KSR2: variants seen among roughly 807,000 people sequenced by gnomAD.
KSR2 encodes the protein kinase suppressor of ras 2.
In KSR2, 25 loss-of-function variants were observed where a neutral mutation model predicts 107.8. The ratio of observed to expected loss-of-function variants is 0.23; its 90% confidence interval spans 0.17 to 0.32. The LOEUF (loss-of-function observed/expected upper bound fraction) is 0.32, where lower values mean the gene tolerates loss of function less well. Ranked by LOEUF, KSR2 falls within the 10% of genes least tolerant of loss-of-function variation. The probability of loss-of-function intolerance (pLI) is 1.00; values close to 1 mark genes in which losing one functional copy is unlikely to be tolerated. For missense variants in KSR2, 887 were observed against 1,268.9 expected, an observed-to-expected ratio of 0.70 and a Z score of 4.57; for synonymous variants, 480 against 507.0, an observed-to-expected ratio of 0.95 and a Z score of 0.71.
At chr12:117,484,308 C>T (rs1872335914) in intron 16 of KSR2, 108 bp downstream of exon 16, 19 of 1,303,668 alleles carry the variant, frequency 1.5e-5, no homozygotes, top group Non-Finnish European at 2.0e-5. Context: ...AGCTCAGCAA[C>T]CTCAGGACCA....
chr12:117,880,400 G>A (rs775667609), intron 1 of KSR2, among the ~76,000 whole-genome samples: 9 of 152,082 alleles, frequency 5.9e-5, no homozygotes, highest in Non-Finnish European at 8.8e-5. Flanking sequence ...GTCTCATGGG[G>A]AGTTTCTTCT....
chr12:117,793,575 C>A (rs971146936), intron 3 of KSR2, among the ~76,000 whole-genome samples: 1 of 135,152 alleles, frequency 7.4e-6, no homozygotes, highest in Non-Finnish European at 1.6e-5. Context: ...ATGCACACAC[C>A]TTTACACCAA....
intron 1 of KSR2, among the ~76,000 whole-genome samples, chr12:117,887,602 C>T (rs192765825): frequency 2.6e-5 from 4 of 152,238 alleles, no homozygotes; most frequent in Non-Finnish European, 4.4e-5. Context: ...AAAACCCTCC[C>T]CAAAGTGGCT....
chr12:117,589,345 C>T (rs1880185610), intron 5 of KSR2, among the ~76,000 whole-genome samples: 1 of 152,168 alleles, frequency 6.6e-6, no homozygotes, highest in Non-Finnish European at 1.5e-5. Flanking sequence ...ACCTATTACC[C>T]AGTGGGACCT....
intron 10 of KSR2, among the ~76,000 whole-genome samples, chr12:117,534,103 A>G (rs535278179): frequency 1.1e-3 from 165 of 151,790 alleles, no homozygotes; most frequent in African/African-American, 3.7e-3. Flanking sequence ...GAGGCTGCAG[A>G]TGAAGTCAAA....
chr12:117,688,953 T>C (rs903485372), intron 4 of KSR2, among the ~76,000 whole-genome samples: 1 of 152,170 alleles, frequency 6.6e-6, no homozygotes, highest in East Asian at 1.9e-4. Context: ...AAACGACACA[T>C]GCATTACACA....
chr12:117,527,284 C>CACACACACACACACACAG (rs1209317703), intron 12 of KSR2, among the ~76,000 whole-genome samples, 165 bp from the exon 13 acceptor site: 1 of 121,306 alleles, frequency 8.2e-6, no homozygotes, highest in African/African-American at 3.5e-5. Flanking sequence ...AACCTCGACA[C>CACACACACACACACACAG]ACACACACAC....
Position 117,842,568 on chromosome 12 carries a change from G to A in KSR2, c.472+12860C>T, listed in dbSNP as rs900071856. Among the ~76,000 whole-genome samples the A allele has an allele frequency of 1.3e-5, 2 of 152,154 alleles. No homozygotes were observed. The highest frequency in any genetic ancestry group is 2.9e-5 in the Non-Finnish European group (2 of 68,034). On this transcript the variant is annotated intron_variant, in intron 3 of 19. Transcript: ENST00000339824. This position sits in a 1 kb window ranked among gnomAD's most constrained non-coding sequence, Gnocchi z 4.2. The stretch of plus-strand genomic sequence containing the variant: ...TCATGGAACCCACAAACCTCAAAGA[G>A]TTCAGGCCCTGCCAAGCACAAGTTC...
chr12:117,657,001 T>G (rs1172862106), intron 5 of KSR2, among the ~76,000 whole-genome samples: 12 of 128,492 alleles, frequency 9.3e-5, no homozygotes, highest in African/African-American at 3.4e-4. Context: ...TATATATATA[T>G]ATATATATAT....
chr12:117,605,581 G>T (rs556347269), intron 5 of KSR2, among the ~76,000 whole-genome samples: 6 of 151,924 alleles, frequency 3.9e-5, no homozygotes, highest in African/African-American at 1.5e-4. Flanking sequence ...AGTATGTGTT[G>T]TTCCCCTTCC....
At position 117,454,113 on chromosome 12, in the gene KSR2, A is replaced by C. The variant is rs1207590350; in HGVS notation, c.*13086T>G. ...AGAGGTGGGATTCTGGGGGAGGTTC[A>C]TTTGGGTGATTGAGAAGAAAAGCCA... On this transcript the variant is annotated 3_prime_UTR_variant, in exon 20 of 20. Transcript: ENST00000339824. The C allele has an allele frequency of 1.3e-5, 2 of 152,214 alleles. No homozygotes were observed. The highest frequency in any genetic ancestry group is 4.8e-5 in the African/African-American group (2 of 41,456). 9.4% of individuals were successfully genotyped at this position (152,214 alleles called of 1,614,324 possible). A position where few individuals can be genotyped will look rare whatever the true frequency, so the allele number is the denominator to read the frequency against.
At chr12:117,770,847 G>T (rs1444405118) in intron 3 of KSR2, among the ~76,000 whole-genome samples, 1 of 151,792 alleles carries the variant, frequency 6.6e-6, no homozygotes, top group African/African-American at 2.4e-5. Flanking sequence ...CATGGTGGCG[G>T]GCGCCTATAG....
intron 1 of KSR2, among the ~76,000 whole-genome samples, chr12:117,955,866 A>AT (rs397949795): frequency 6.6e-6 from 1 of 151,268 alleles, no homozygotes; most frequent in African/African-American, 2.4e-5. Flanking sequence ...AAAAAAAAAA[A>AT]GGAAAGTACA....
intron 3 of KSR2, among the ~76,000 whole-genome samples, chr12:117,802,346 A>G (rs1890861961): frequency 6.6e-6 from 1 of 152,136 alleles, no homozygotes; most frequent in Non-Finnish European, 1.5e-5. Context: ...ATCATCCATG[A>G]TAATCTCCCC....
chr12:117,863,118 G>A (rs1461000257), intron 1 of KSR2, among the ~76,000 whole-genome samples: 1 of 152,136 alleles, frequency 6.6e-6, no homozygotes, highest in Non-Finnish European at 1.5e-5. Context: ...GCTGATGTGA[G>A]GCTGTTCCCA....
chr12:117,696,980 T>C (rs116660858), intron 4 of KSR2, among the ~76,000 whole-genome samples: 1,795 of 152,088 alleles, frequency 0.012, 40 homozygotes, highest in African/African-American at 0.04. Flanking sequence ...TGCACTGGGG[T>C]GGACAGATGA....
intron 1 of KSR2, among the ~76,000 whole-genome samples, chr12:117,937,788 C>A (rs1464211669): frequency 6.8e-6 from 1 of 147,150 alleles, no homozygotes; most frequent in Non-Finnish European, 1.5e-5. Flanking sequence ...GAGAAACCCC[C>A]ATCTCTACTA....
Position 117,579,020 on chromosome 12 carries a change from G to A in KSR2, c.1325+99C>T. ...AAAACAAAGCAAACAACTCTCCCAAGAGTGAAGAAATCAAACTCCCAAAGG... is the reference window on the plus strand; with the variant it reads ...AAAACAAAGCAAACAACTCTCCCAAAAGTGAAGAAATCAAACTCCCAAAGG... On this transcript the variant is annotated intron_variant, in intron 7 of 19. Coordinates refer to ENST00000339824, the MANE Select transcript of KSR2 (RefSeq NM_173598.6). The A allele has an allele frequency of 1.7e-5, 14 of 841,772 alleles. No individual in the cohort carries two copies. In the South Asian group the frequency reaches 2.0e-4, roughly 12 times the overall value. The allele number at this position is 841,772 out of a possible 1,614,324, so 52.1% of individuals were successfully genotyped here. A position where few individuals can be genotyped will look rare whatever the true frequency, so the allele number is the denominator to read the frequency against.
intron 1 of KSR2, among the ~76,000 whole-genome samples, chr12:117,932,082 T>C (rs1478346550): frequency 6.6e-6 from 1 of 151,180 alleles, no homozygotes; most frequent in African/African-American, 2.4e-5. Flanking sequence ...AGGTCAGGAG[T>C]TTGAGACCAA....
Sources: gnomAD v4.1 joint callset for allele counts (sites outside exome capture counted in the v4.1 genomes callset) on GRCh38, gnomAD v4.1.1 for gene constraint, Gnocchi (gnomAD v3.1) non-coding constraint, MANE v1.5 for transcripts, NCBI Gene and HGNC (gene_info 2026-07-23, HGNC 2026-07-21) for gene names.